Variants in SUPT3H observed in about 807,000 individuals in gnomAD.
The protein encoded by SUPT3H is SPT3 homolog, SAGA and STAGA complex component.
SUPT3H carries 44 observed loss-of-function variants against 44.3 expected under a neutral mutation model. The ratio of observed to expected loss-of-function variants is 0.99; its 90% CI spans 0.78 to 1.28. The LOEUF is 1.28. SUPT3H is among the 50% of genes most tolerant of loss of function. The probability of loss-of-function intolerance (pLI) is 0.00; values close to 1 mark genes in which losing one functional copy is unlikely to be tolerated. For synonymous variants in SUPT3H, 124 were observed against 125.6 expected (o/e 0.99, Z 0.09); for missense variants, 380 against 387.1 (o/e 0.98, Z 0.15).
chr6:45,229,652 C>G (rs547969550), intron 2 of SUPT3H, among the ~76,000 whole-genome samples: 25 of 151,992 alleles, frequency 1.6e-4, no homozygotes, highest in Non-Finnish European at 2.6e-4. Flanking sequence ...GTAGCTAAAC[C>G]TCCTTCAAAC....
At chr6:45,083,039 C>G (rs1796012612) in intron 3 of SUPT3H, among the ~76,000 whole-genome samples, 2 of 151,826 alleles carry the variant, frequency 1.3e-5, no homozygotes, top group South Asian at 2.1e-4. Flanking sequence ...CATAGTCACA[C>G]AAATATCTAG....
At chr6:45,063,910 C>T (rs1792709859) in intron 3 of SUPT3H, among the ~76,000 whole-genome samples, 2 of 108,324 alleles carry the variant, frequency 1.8e-5, no homozygotes, top group South Asian at 7.0e-4. Context: ...GGAGAACTTC[C>T]CCAATCTAGC....
In SUPT3H at chr6:45,219,121, C is replaced by T. The variant is rs149772973; in HGVS notation, c.102-113115G>A. 8.6e-4 allele frequency among the ~76,000 whole-genome samples: 130 copies of T among 151,950 alleles called. 1 individual carries two copies. Among genetic ancestry groups the T allele is most frequent in the African/African-American group, 3.0e-3 (125 of 41,446 alleles). The stretch of plus-strand genomic sequence containing the variant: ...AGCTAAAATCAAGAGGAAAAAGAAA[C>T]TCATATCACTACATGCTTACATTAG... On this transcript the variant is annotated intron_variant, in intron 2 of 10. Coordinates refer to ENST00000371459, the MANE Select transcript of SUPT3H (RefSeq NM_003599.4).
chr6:45,013,364 T>A (rs1017199896), intron 5 of SUPT3H, among the ~76,000 whole-genome samples: 3 of 152,030 alleles, frequency 2.0e-5, no homozygotes, highest in Admixed American at 2.0e-4. Context: ...AGGTATGAAC[T>A]TCCACACACT....
At chr6:45,025,744 G>A (rs955094745) in intron 3 of SUPT3H, among the ~76,000 whole-genome samples, 2 of 152,084 alleles carry the variant, frequency 1.3e-5, no homozygotes, top group African/African-American at 4.8e-5. Flanking sequence ...TGAGCCTGGC[G>A]TGGTGGTGGG....
chr6:44,819,865 T>C (rs1046479074), intron 11 of SUPT3H, among the ~76,000 whole-genome samples: 1 of 152,202 alleles, frequency 6.6e-6, no homozygotes, highest in African/African-American at 2.4e-5. Flanking sequence ...TACATGATTT[T>C]TTAAATAAAA....
chr6:45,057,391 A>G (rs1343389069), intron 3 of SUPT3H, among the ~76,000 whole-genome samples: 1 of 152,170 alleles, frequency 6.6e-6, no homozygotes, highest in Non-Finnish European at 1.5e-5. Context: ...TCACTTAGAA[A>G]AATCAAGATT....
rs367726352 is a variant in SUPT3H, at chr6:45,286,016, A to C, written c.101+79185T>G. Among the ~76,000 whole-genome samples, 71 of 139,120 alleles carry C rather than the reference A, an allele frequency of 5.1e-4. No homozygotes were observed. The East Asian group carries it at 0.013, about 26-fold the overall frequency. 91.3% of individuals were successfully genotyped at this position (139,120 alleles called of 152,430 possible). On this transcript the variant is annotated intron_variant, in intron 2 of 10. Coordinates refer to ENST00000371459, the MANE Select transcript of SUPT3H (RefSeq NM_003599.4). ...GGGGAAAGGATTCCCTATTTAATAA[A>C]TGGTGCTGGGAAAACTGGCTAGCCA...
At chr6:45,227,279 T>G (rs953903079) in intron 2 of SUPT3H, among the ~76,000 whole-genome samples, 3 of 151,876 alleles carry the variant, frequency 2.0e-5, no homozygotes, top group African/African-American at 7.2e-5. Context: ...TGAAAAATTA[T>G]TTATATTAGA....
chr6:44,879,339 G>C (rs1263856859), intron 10 of SUPT3H, among the ~76,000 whole-genome samples: 2 of 152,222 alleles, frequency 1.3e-5, no homozygotes, highest in Non-Finnish European at 2.9e-5. Flanking sequence ...GCCCACTGCA[G>C]CTTGGCTAAG....
chr6:44,841,942 A>G (rs1160408804), intron 10 of SUPT3H, among the ~76,000 whole-genome samples: 2 of 152,148 alleles, frequency 1.3e-5, no homozygotes, highest in Admixed American at 6.5e-5. Context: ...TAGTCTCTGT[A>G]TGTGTGTGTG....
At chr6:44,858,421 C>G (rs186597676) in intron 10 of SUPT3H, among the ~76,000 whole-genome samples, 1 of 152,122 alleles carries the variant, frequency 6.6e-6, no homozygotes, top group Admixed American at 6.5e-5. Context: ...CTCCATTTTA[C>G]GGATGAAGAA....
At chr6:45,149,978 G>A (rs1806662247) in intron 2 of SUPT3H, among the ~76,000 whole-genome samples, 1 of 150,510 alleles carries the variant, frequency 6.6e-6, no homozygotes, top group Middle Eastern at 3.2e-3. Flanking sequence ...TTTAAAAAAG[G>A]TCCAGGCTAC....
chr6:45,306,558 G>C (rs1783053551), intron 2 of SUPT3H, among the ~76,000 whole-genome samples: 1 of 152,076 alleles, frequency 6.6e-6, no homozygotes. Flanking sequence ...AGTCTGCAAG[G>C]GGTGACTACT....
intron 2 of SUPT3H, among the ~76,000 whole-genome samples, chr6:45,261,909 CA>C (rs1419333081): frequency 1.3e-5 from 2 of 152,030 alleles, no homozygotes; most frequent in Non-Finnish European, 2.9e-5. Context: ...CATAAAAAAT[CA>C]GAAGCATTTC....
intron 2 of SUPT3H, among the ~76,000 whole-genome samples, chr6:45,325,527 T>C (rs999937264): frequency 2.0e-5 from 3 of 151,900 alleles, no homozygotes; most frequent in Non-Finnish European, 4.4e-5. Context: ...TGTATTTCAT[T>C]TCCATGGCAT....
At chr6:45,044,252 C>T (rs1349616914) in intron 3 of SUPT3H, among the ~76,000 whole-genome samples, 4 of 152,120 alleles carry the variant, frequency 2.6e-5, no homozygotes, top group Admixed American at 1.3e-4. Context: ...GGGCTGAGTT[C>T]TCTACACAAA....
chr6:45,326,383 A>G (rs1185832012), intron 2 of SUPT3H, among the ~76,000 whole-genome samples: 1 of 151,888 alleles, frequency 6.6e-6, no homozygotes, highest in Non-Finnish European at 1.5e-5. Context: ...CCTTTTGTTT[A>G]CTTTGGATAC....
At chr6:45,359,687 T>C (rs563124870) in intron 2 of SUPT3H, among the ~76,000 whole-genome samples, 3 of 152,194 alleles carry the variant, frequency 2.0e-5, no homozygotes, top group Non-Finnish European at 4.4e-5. Flanking sequence ...TGGTTACTGA[T>C]ATGCCCTTGC....
Sources: allele counts gnomAD v4.1 joint callset (sites outside exome capture counted in the v4.1 genomes callset), GRCh38; gene constraint gnomAD v4.1.1; transcripts MANE v1.5; gene names NCBI Gene and HGNC (gene_info 2026-07-23, HGNC 2026-07-21).